The following KCNJ15 variants were observed in gnomAD, a reference collection of about 807,000 sequenced individuals.
KCNJ15 encodes the protein potassium inwardly rectifying channel subfamily J member 15.
KCNJ15 carries 14 observed loss-of-function variants against 23.0 expected under a neutral mutation model. The observed-to-expected ratio is 0.61, with a 90% confidence interval of 0.40 to 0.95. KCNJ15 has a LOEUF of 0.95. KCNJ15 is among the 40% of genes least tolerant of loss of function. The pLI is 0.00. For missense variants in KCNJ15, 388 were observed against 461.8 expected, an observed-to-expected ratio of 0.84 and a Z score of 1.46; for synonymous variants, 185 against 183.2, an observed-to-expected ratio of 1.01 and a Z score of -0.08.
At chr21:38,279,739 G>C (rs1273917139) in intron 1 of KCNJ15, among the ~76,000 whole-genome samples, 1 of 152,068 alleles carries the variant, frequency 6.6e-6, no homozygotes. Context: ...CCCAAAGCTT[G>C]GCTTTTAGTG....
At chr21:38,266,462 A>C (rs1291400192) in intron 1 of KCNJ15, among the ~76,000 whole-genome samples, 2 of 152,232 alleles carry the variant, frequency 1.3e-5, no homozygotes, top group Non-Finnish European at 2.9e-5. Context: ...TGCAAAGGAC[A>C]TGAACTTATT....
At chr21:38,247,359 T>C (rs896026416) in intron 1 of KCNJ15, among the ~76,000 whole-genome samples, 19 of 151,530 alleles carry the variant, frequency 1.3e-4, no homozygotes, top group African/African-American at 4.6e-4. Context: ...GGTGGATGGA[T>C]GGATGGATGG....
chr21:38,252,713 G>A (rs936878877), upstream of KCNJ15, among the ~76,000 whole-genome samples: 3 of 152,156 alleles, frequency 2.0e-5, no homozygotes, highest in Admixed American at 2.0e-4. Flanking sequence ...GGAATATTGA[G>A]GGATTGAGGA....
In KCNJ15 at chr21:38,306,416, G is replaced by A. The variant is rs183927391; in HGVS notation, c.*6027G>A. On this transcript the variant is annotated 3_prime_UTR_variant, in exon 3 of 3. Coordinates refer to ENST00000398938, the MANE Select transcript of KCNJ15 (RefSeq NM_170736.3). ...TTGTTGACTCTGAGCTAGGAAATGC[G>A]TGATCTCTCAGCTGACTTACTTTAT... 5 of 151,586 alleles carry A rather than the reference G, an allele frequency of 3.3e-5. No individual in the cohort carries two copies. The highest frequency in any genetic ancestry group is 4.8e-5 in the African/African-American group (2 of 41,398). 9.4% of individuals were successfully genotyped at this position (151,586 alleles called of 1,614,324 possible). A position where few individuals can be genotyped will look rare whatever the true frequency, so the allele number is the denominator to read the frequency against.
chr21:38,247,350 GTGGATGGA>G (rs143175330), intron 1 of KCNJ15, among the ~76,000 whole-genome samples: 43 of 135,194 alleles, frequency 3.2e-4, no homozygotes, highest in South Asian at 1.1e-3. Flanking sequence ...AGATGCATAG[GTGGATGGA>G]TGGATGGATG....
chr21:38,260,673 C>T (rs1980791964), intron 1 of KCNJ15, among the ~76,000 whole-genome samples: 1 of 152,210 alleles, frequency 6.6e-6, no homozygotes, highest in East Asian at 1.9e-4. Flanking sequence ...CAAAGTTTTG[C>T]ATTTTGGTAC....
At chr21:38,292,954 G>C (rs138423959) in intron 1 of KCNJ15, among the ~76,000 whole-genome samples, 1 of 143,508 alleles carries the variant, frequency 7.0e-6, no homozygotes, top group Admixed American at 6.9e-5. Flanking sequence ...GCGTGACAGA[G>C]TGAGATGCTG....
At position 38,305,240 on chromosome 21, in the gene KCNJ15, T is replaced by C. The variant is rs1379145544; in HGVS notation, c.*4851T>C. On this transcript the variant is annotated 3_prime_UTR_variant, in exon 3 of 3. Transcript: ENST00000398938. Reference sequence around the variant, plus strand: ...ACATGCTTGGTTGACTGTTTCTTCATATTTGCTGTTCATTCTATAAAGTCA... The same window carrying C: ...ACATGCTTGGTTGACTGTTTCTTCACATTTGCTGTTCATTCTATAAAGTCA... The C allele has an allele frequency of 6.6e-6, 1 of 152,222 alleles. No individual in the cohort carries two copies. Among genetic ancestry groups the C allele is most frequent in the African/African-American group, 2.4e-5 (1 of 41,468 alleles). The allele number at this position is 152,222 out of a possible 1,614,324, so 9.4% of individuals were successfully genotyped here.
rs1471036892 is a variant in KCNJ15 at position 38,299,454 on chromosome 21, T to C, written c.193T>C (p.Tyr65His). 5 of 1,614,212 alleles carry C rather than the reference T, an allele frequency of 3.1e-6. No homozygotes were observed. The highest frequency in any genetic ancestry group is 4.2e-6 in the Non-Finnish European group (5 of 1,180,032). ...WTTVIDMKWR[Y>H]KLTLFAATFV... ...CACAGTTATCGACATGAAGTGGAGA[T>C]ACAAACTCACCCTGTTCGCTGCCAC... Residue 65 changes from tyrosine (Y) to histidine (H), a missense_variant, in exon 3 of 3, where the codon TAC becomes CAC. Tyr to His is a moderately conservative substitution (Grantham distance 83). Coordinates refer to ENST00000398938, the MANE Select transcript of KCNJ15 (RefSeq NM_170736.3). The surrounding 1 kb of genome is among the most constrained non-coding windows in gnomAD (Gnocchi z 4.5).
At chr21:38,237,902 G>C (rs769490949) in intron 1 of KCNJ15, among the ~76,000 whole-genome samples, 3 of 152,114 alleles carry the variant, frequency 2.0e-5, no homozygotes, top group African/African-American at 7.2e-5. Flanking sequence ...CATCGCAATG[G>C]TATGTCCTTC....
intron 1 of KCNJ15, among the ~76,000 whole-genome samples, chr21:38,293,404 A>AC (rs1029526499): frequency 7.3e-5 from 11 of 151,586 alleles, no homozygotes; most frequent in Admixed American, 1.3e-4. Flanking sequence ...CACACACCCC[A>AC]CCCCCGCTAC....
At position 38,299,155 on chromosome 21, in the gene KCNJ15, A is replaced by G. The variant is rs1328249998; in HGVS notation, c.-18-89A>G. ...TCTCCTTTCTTGTGTACTTCCATGT[A>G]CATTCATACTTACTTCACATGATGA... On this transcript the variant is annotated intron_variant, in intron 2 of 2. Transcript: ENST00000398938. This position sits in a 1 kb window ranked among gnomAD's most constrained non-coding sequence, Gnocchi z 4.5. 4 of 989,776 alleles carry G rather than the reference A, an allele frequency of 4.0e-6. No homozygotes were observed. The Admixed American group carries it at 9.1e-5, about 22-fold the overall frequency. The allele number at this position is 989,776 out of a possible 1,614,324, so 61.3% of individuals were successfully genotyped here.
intron 1 of KCNJ15, chr21:38,237,347 A>T (rs1411562718): frequency 6.6e-6 from 1 of 152,214 alleles, no homozygotes; most frequent in Non-Finnish European, 1.5e-5. Context: ...ACAGGGGTAG[A>T]GGCTTGTGGG....
chr21:38,230,330 G>A (rs917802434), intron 1 of KCNJ15, among the ~76,000 whole-genome samples: 3 of 151,916 alleles, frequency 2.0e-5, no homozygotes, highest in Admixed American at 6.6e-5. Context: ...TCTCTTCTTT[G>A]GGTAAATGTC....
chr21:38,299,327 C>T lies in KCNJ15; in HGVS notation c.66C>T (p.Leu22=). The T allele has an allele frequency of 6.2e-7, 1 of 1,614,170 alleles. No individual in the cohort carries two copies. Among genetic ancestry groups the T allele is most frequent in the Middle Eastern group, 1.6e-4 (1 of 6,062 alleles). Residue 22 remains leucine, a synonymous_variant, in exon 3 of 3, where the codon CTC becomes CTT. Coordinates refer to ENST00000398938, the MANE Select transcript of KCNJ15 (RefSeq NM_170736.3). The surrounding 1 kb of genome is among the most constrained non-coding windows in gnomAD (Gnocchi z 4.5). The part of the protein sequence containing the change: ...PLVKHTAGAG[L]KANRPRVMSK... ...TGAAGCACACTGCTGGGGCTGGGCTCAAGGCCAACAGACCCCGCGTCATGT... is the reference window on the plus strand; with the variant it reads ...TGAAGCACACTGCTGGGGCTGGGCTTAAGGCCAACAGACCCCGCGTCATGT...
Position 38,299,357 on chromosome 21 carries a change from G to A in KCNJ15, c.96G>A (p.Lys32=). ...LKANRPRVMS[K]SGHSNVRIDK... ...CCAACAGACCCCGCGTCATGTCCAA[G>A]AGTGGGCACAGCAACGTGAGAATTG... The change falls in exon 3 of 3, where the codon AAG becomes AAA. Residue 32 remains lysine (K), a synonymous_variant. Transcript: ENST00000398938. This position sits in a 1 kb window ranked among gnomAD's most constrained non-coding sequence, Gnocchi z 4.5. The A allele has an allele frequency of 6.2e-7, 1 of 1,614,234 alleles. No individual in the cohort carries two copies. The highest frequency in any genetic ancestry group is 8.5e-7 in the Non-Finnish European group (1 of 1,180,042).
intron 1 of KCNJ15, among the ~76,000 whole-genome samples, chr21:38,280,960 G>A (rs985204185): frequency 1.3e-5 from 2 of 152,160 alleles, no homozygotes; most frequent in South Asian, 2.1e-4. Context: ...TCTGGGTTCA[G>A]TACCGTGTTG....
chr21:38,288,575 T>C (rs919692979), intron 1 of KCNJ15, among the ~76,000 whole-genome samples: 1 of 151,946 alleles, frequency 6.6e-6, no homozygotes, highest in Admixed American at 6.5e-5. Context: ...CCTGAAATTG[T>C]TACCCATATT....
intron 1 of KCNJ15, among the ~76,000 whole-genome samples, chr21:38,280,985 A>AGTG (rs1230422058): frequency 4.6e-5 from 7 of 152,216 alleles, no homozygotes; most frequent in African/African-American, 1.4e-4. Context: ...GATGAGGAAC[A>AGTG]GTGGCTGCAA....
Sources: gnomAD v4.1 joint callset for allele counts (sites outside exome capture counted in the v4.1 genomes callset) on GRCh38, gnomAD v4.1.1 for gene constraint, Gnocchi (gnomAD v3.1) non-coding constraint, MANE v1.5 for transcripts, NCBI Gene and HGNC (gene_info 2026-07-23, HGNC 2026-07-21) for gene names.